The following DRAM2 variants were observed in gnomAD, a reference collection of about 807,000 sequenced individuals.
DRAM2 encodes the protein DNA damage regulated autophagy modulator 2, also known as DNA damage-regulated autophagy modulator protein 2.
In DRAM2, 26 loss-of-function variants were observed where a neutral mutation model predicts 33.5. That is an observed-to-expected ratio of 0.78 (90% CI 0.57 to 1.08). The LOEUF (loss-of-function observed/expected upper bound fraction) is 1.08, where lower values mean the gene tolerates loss of function less well. Ranked by LOEUF, DRAM2 falls within the 50% of genes least tolerant of loss-of-function variation. The pLI is 0.00. For synonymous variants in DRAM2, 98 were observed against 109.5 expected (o/e 0.89, Z 0.66); for missense variants, 311 against 318.1 (o/e 0.98, Z 0.17).
At position 111,117,993 on chromosome 1, in the gene DRAM2, A is replaced by C. The variant is rs1335511728; in HGVS notation, c.*167T>G. On this transcript the variant is annotated 3_prime_UTR_variant, in exon 10 of 10. Coordinates refer to ENST00000484310, the MANE Select transcript of DRAM2 (RefSeq NM_001349884.2). ...TCTTCTTGATGATATCCTTTAGAAT[A>C]ATCTATCAAATGGCTTCTTTCATGT... 2.3e-5 allele frequency: 15 copies of C among 638,450 alleles called. No homozygotes were observed. The highest frequency in any genetic ancestry group is 4.1e-5 in the Non-Finnish European group (15 of 363,936). The allele number at this position is 638,450 out of a possible 1,614,324, so 39.5% of individuals were successfully genotyped here.
chr1:111,126,675 T>C (rs1651086484), intron 4 of DRAM2, among the ~76,000 whole-genome samples: 1 of 152,184 alleles, frequency 6.6e-6, no homozygotes, highest in African/African-American at 2.4e-5. Context: ...TTTGCACCTT[T>C]TGTTGACTAT....
chr1:111,124,060 C>G (rs968939500), intron 6 of DRAM2, among the ~76,000 whole-genome samples: 1 of 152,138 alleles, frequency 6.6e-6, no homozygotes, highest in African/African-American at 2.4e-5. Context: ...TTAACCCTTA[C>G]GTTTCCAGCT....
chr1:111,137,851 G>A (rs1469082205), intron 2 of DRAM2, among the ~76,000 whole-genome samples: 1 of 151,942 alleles, frequency 6.6e-6, no homozygotes, highest in African/African-American at 2.4e-5. Context: ...TCTTAAAGAG[G>A]AAAAAAGAAA....
chr1:111,119,693 AG>A, intron 8 of DRAM2, 183 bp downstream of exon 8: 1 of 577,490 alleles, frequency 1.7e-6, no homozygotes, highest in Non-Finnish European at 3.1e-6. Flanking sequence ...TACAGATCAC[AG>A]GTGACAGGAG....
chr1:111,123,645 A>C (rs989347490), intron 6 of DRAM2, among the ~76,000 whole-genome samples: 4 of 152,064 alleles, frequency 2.6e-5, no homozygotes, highest in Non-Finnish European at 4.4e-5. Context: ...TCCAAATCTC[A>C]AGTTGCAATT....
intron 4 of DRAM2, 65 bp downstream of exon 4, chr1:111,131,359 A>C: frequency 6.9e-7 from 1 of 1,446,704 alleles, no homozygotes; most frequent in Non-Finnish European, 9.4e-7. Context: ...TTAAATGTTG[A>C]CTTCAATGTT....
chr1:111,124,281 CTTTCA>C (rs1362753962), intron 6 of DRAM2, among the ~76,000 whole-genome samples: 1 of 152,272 alleles, frequency 6.6e-6, no homozygotes, highest in East Asian at 1.9e-4. Flanking sequence ...ACAGTTCTTC[CTTTCA>C]TTTCCTCATA....
intron 8 of DRAM2, among the ~76,000 whole-genome samples, chr1:111,119,265 C>T (rs142180127): frequency 4.6e-5 from 7 of 151,876 alleles, no homozygotes; most frequent in East Asian, 1.9e-4. Context: ...GCTGTGTTTA[C>T]GATATTAAAT....
At chr1:111,138,059 A>C (rs967968379) in intron 2 of DRAM2, among the ~76,000 whole-genome samples, 9 of 152,258 alleles carry the variant, frequency 5.9e-5, no homozygotes, top group Non-Finnish European at 1.0e-4. Flanking sequence ...TACAGTACTC[A>C]AACAGTTGTT....
chr1:111,121,529 T>C (rs1285338461), intron 6 of DRAM2, among the ~76,000 whole-genome samples: 1 of 152,202 alleles, frequency 6.6e-6, no homozygotes, highest in Non-Finnish European at 1.5e-5. Flanking sequence ...CTACTCTCCT[T>C]TGATAAATTT....
chr1:111,118,629 T>C (rs896691263), intron 9 of DRAM2, 176 bp downstream of exon 9: 1 of 545,818 alleles, frequency 1.8e-6, no homozygotes, highest in African/African-American at 2.0e-5. Context: ...ACACTACTTC[T>C]TTAAACACAG....
chr1:111,131,593 AAAGAT>A (rs1652095817), intron 3 of DRAM2, 25 bp from the exon 4 acceptor site: 1 of 1,611,828 alleles, frequency 6.2e-7, no homozygotes, highest in Admixed American at 1.7e-5. Flanking sequence ...ACATATTAGA[AAAGAT>A]AATTCACAAG....
In DRAM2 at chr1:111,126,221, A is replaced by C. The variant is rs758689447; in HGVS notation, c.199+6T>G. The C allele has an allele frequency of 6.3e-7, 1 of 1,596,902 alleles. No homozygotes were observed. The highest frequency in any genetic ancestry group is 2.2e-5 in the East Asian group (1 of 44,668). ...TTATCATGTTAAAATCACTTTCATT[A>C]CTTACATAAAACTGCCGCAATATTT... On this transcript the variant is annotated splice_donor_region_variant and intron_variant, in intron 5 of 9. Coordinates refer to ENST00000484310, the MANE Select transcript of DRAM2 (RefSeq NM_001349884.2).
At chr1:111,132,098 ATAAT>A (rs1388000296) in intron 3 of DRAM2, among the ~76,000 whole-genome samples, 2 of 152,230 alleles carry the variant, frequency 1.3e-5, no homozygotes, top group Non-Finnish European at 2.9e-5. Context: ...AGACCAAGGC[ATAAT>A]TAGAGGGTTG....
Position 111,124,744 on chromosome 1 carries a change from G to C in DRAM2, c.337C>G (p.Gln113Glu), listed in dbSNP as rs1557888299. The change falls in exon 6 of 10, where the codon CAG (glutamine) becomes GAG (glutamate). Residue 113 changes from glutamine to glutamate, a missense_variant and splice_region_variant. Gln to Glu is a conservative substitution (Grantham distance 29, BLOSUM62 2). Transcript: ENST00000484310. Reference protein sequence around the residue: ...CLGLSIVANFQKTTLFAAHVS... With the variant: ...CLGLSIVANFEKTTLFAAHVS... ...CTATGCTGGGCTAAAACACAAACCTGGAAGTTTGCCACAATAGAAAGTCCT... is the reference window on the plus strand; with the variant it reads ...CTATGCTGGGCTAAAACACAAACCTCGAAGTTTGCCACAATAGAAAGTCCT... 2.5e-6 allele frequency: 4 copies of C among 1,613,092 alleles called. No homozygotes were observed. The highest frequency in any genetic ancestry group is 3.4e-6 in the Non-Finnish European group (4 of 1,179,530).
At chr1:111,133,707 C>A (rs2101104175) in intron 3 of DRAM2, among the ~76,000 whole-genome samples, 1 of 152,290 alleles carries the variant, frequency 6.6e-6, no homozygotes, top group Admixed American at 6.5e-5. Flanking sequence ...AGATACGATT[C>A]AAACTCAAGC....
At chr1:111,132,089 G>A (rs1467761604) in intron 3 of DRAM2, among the ~76,000 whole-genome samples, 2 of 152,182 alleles carry the variant, frequency 1.3e-5, no homozygotes, top group Non-Finnish European at 2.9e-5. Context: ...TCACAGGAAA[G>A]ACCAAGGCAT....
intron 5 of DRAM2, among the ~76,000 whole-genome samples, chr1:111,125,151 G>A (rs1022802886): frequency 1.3e-5 from 2 of 152,138 alleles, no homozygotes; most frequent in South Asian, 4.1e-4. Flanking sequence ...AGCTGGGACT[G>A]TAGGCACATA....
intron 3 of DRAM2, among the ~76,000 whole-genome samples, chr1:111,136,019 T>TC (rs1323115390): frequency 6.6e-6 from 1 of 152,226 alleles, no homozygotes; most frequent in African/African-American, 2.4e-5. Context: ...TCACATGCTG[T>TC]CACCAAGTGA....
Sources: allele counts gnomAD v4.1 joint callset (sites outside exome capture counted in the v4.1 genomes callset), GRCh38; gene constraint gnomAD v4.1.1; transcripts MANE v1.5; gene names NCBI Gene and HGNC (gene_info 2026-07-23, HGNC 2026-07-21).